The following PROCA1 variants were observed in gnomAD, a reference collection of about 807,000 sequenced individuals.
PROCA1 encodes the protein protein PROCA1.
A neutral mutation model predicts 23.2 loss-of-function variants in PROCA1; 22 were observed. The observed-to-expected ratio is 0.95, with a 90% CI of 0.68 to 1.35. The LOEUF is 1.35. Ranked by LOEUF, PROCA1 falls within the 40% of genes most tolerant of loss-of-function variation. The probability of loss-of-function intolerance (pLI) is 0.00; values close to 1 mark genes in which losing one functional copy is unlikely to be tolerated. For synonymous variants in PROCA1, 182 were observed against 179.2 expected, an observed-to-expected ratio of 1.02 and a Z score of -0.12; for missense variants, 469 against 459.8, an observed-to-expected ratio of 1.02 and a Z score of -0.18.
At chr17:28,711,014 G>GAAGGAGTAGGGCGGGAAGGGAGGA in intron 1 of PROCA1, 1 of 697,730 alleles carries the variant, frequency 1.4e-6, no homozygotes, top group Non-Finnish European at 2.1e-6. Context: ...GGAAGGGAGG[G>GAAGGAGTAGGGCGGGAAGGGAGGA]AAGAAACTAG....
chr17:28,707,020 G>T (rs571181224), intron 1 of PROCA1: 2 of 346,344 alleles, frequency 5.8e-6, no homozygotes, highest in East Asian at 7.6e-5. Flanking sequence ...GACAGGGAAA[G>T]GGTAGCACAG....
chr17:28,703,851 T>C lies in PROCA1; in HGVS notation c.802A>G (p.Lys268Glu), dbSNP rs746993062. The C allele has an allele frequency of 1.9e-6, 3 of 1,614,138 alleles. No individual in the cohort carries two copies. Among genetic ancestry groups the C allele is most frequent in the Admixed American group, 1.7e-5 (1 of 60,026 alleles). The change falls in exon 5 of 5, where the codon AAA (lysine) becomes GAA (glutamate). Residue 268 changes from lysine (K) to glutamate (E), a missense_variant. Coordinates refer to ENST00000682792, the MANE Select transcript of PROCA1 (RefSeq NM_001366301.1). ...KAKKGQLTKK[K>E]SPVKLEPSPP... ...GAAGGCTCCAATTTAACCGGGCTTT[T>C]CTTCTTAGTCAACTGGCCTTTCTTG...
At position 28,703,746 on chromosome 17, in the gene PROCA1, G is replaced by C; in HGVS notation, c.907C>G (p.Leu303Val). The C allele has an allele frequency of 6.2e-7, 1 of 1,614,110 alleles. No individual in the cohort carries two copies. The highest frequency in any genetic ancestry group is 8.5e-7 in the Non-Finnish European group (1 of 1,180,038). The change falls in exon 5 of 5, where the codon CTG (leucine) becomes GTG (valine). Residue 303 changes from leucine (L) to valine (V), a missense_variant. Transcript: ENST00000682792. ...SESSPESREE[L>V]ESEDSYNGRG... ...CCATTGTAACTGTCCTCGCTCTCCA[G>C]CTCTTCCCGGCTTTCTGGGCTGGAC...
At position 28,703,423 on chromosome 17, in the gene PROCA1, G is replaced by A. The variant is rs1262721452; in HGVS notation, c.*135C>T. ...GGGCTTCCTTTGTGAAAGCTGGATT[G>A]CCTTTGAGAAACCCCTGCAGCCCTG... is the stretch of plus-strand genomic sequence containing the variant. On this transcript the variant is annotated 3_prime_UTR_variant, in exon 5 of 5. Transcript: ENST00000682792. The A allele has an allele frequency of 1.1e-6, 1 of 888,102 alleles. No individual in the cohort carries two copies. The highest frequency in any genetic ancestry group is 2.4e-5 in the Admixed American group (1 of 40,986). The allele number at this position is 888,102 out of a possible 1,614,324, so 55.0% of individuals were successfully genotyped here.
intron 1 of PROCA1, chr17:28,707,168 C>T (rs1220562534): frequency 1.3e-5 from 3 of 230,114 alleles, no homozygotes; most frequent in Non-Finnish European, 2.7e-5. Context: ...GAAACTGTCC[C>T]AGGGTGTGTG....
intron 1 of PROCA1, chr17:28,711,289 G>C: frequency 1.7e-6 from 1 of 594,876 alleles, no homozygotes; most frequent in Non-Finnish European, 2.6e-6. Flanking sequence ...ATAGCCGAGC[G>C]TTCCAGCTCT....
rs766754318 is a variant in PROCA1 at position 28,704,026 on chromosome 17, A to G, written c.627T>C (p.Pro209=). ...DLGTSMATGT[P]DSTAPITIWR... ...AGATGGTGATGGGCGCTGTGGAGTC[A>G]GGGGTACCAGTGGCCATGCTGGTGC... The change falls in exon 5 of 5, where the codon CCT becomes CCC. Residue 209 remains proline (P), a synonymous_variant. Transcript: ENST00000682792. 5 of 1,611,134 alleles carry G rather than the reference A, an allele frequency of 3.1e-6. No individual in the cohort carries two copies. Among genetic ancestry groups the G allele is most frequent in the Non-Finnish European group, 4.2e-6 (5 of 1,179,016 alleles).
At position 28,711,551 on chromosome 17, in the gene PROCA1, C is replaced by G; in HGVS notation, c.91+19G>C. ...GCCGGGCCGCGCCCTCTGCCCAGCC[C>G]CTGCCCCGCCCCTCTTACCGCGGCA... On this transcript the variant is annotated intron_variant, in intron 1 of 4. Coordinates refer to ENST00000682792, the MANE Select transcript of PROCA1 (RefSeq NM_001366301.1). The G allele has an allele frequency of 6.2e-7, 1 of 1,601,170 alleles. No individual in the cohort carries two copies. The highest frequency in any genetic ancestry group is 2.3e-5 in the East Asian group (1 of 44,328).
At position 28,711,407 on chromosome 17, in the gene PROCA1, AG is replaced by A. The variant is rs1238702885; in HGVS notation, c.91+162del. The A allele has an allele frequency of 2.8e-5, 14 of 495,468 alleles. No homozygotes were observed. The African/African-American group carries it at 3.4e-4, about 12-fold the overall frequency. 30.7% of individuals were successfully genotyped at this position (495,468 alleles called of 1,614,324 possible). ...TCGACGCGAGCCCGCCCCCGGCCCT[AG>A]CTCCGCCCCGGCCCTAGCTCCGCCC... On this transcript the variant is annotated intron_variant, in intron 1 of 4. Transcript: ENST00000682792.
chr17:28,704,290 C>T lies in PROCA1; in HGVS notation c.440+17G>A, dbSNP rs1159082685. On this transcript the variant is annotated intron_variant, in intron 4 of 4. Transcript: ENST00000682792. ...TGTAGAGGCCCCTTCCCCATCAGCCCACCGGGGCTCACTCACCAGCCATAC... is the reference window on the plus strand; with the variant it reads ...TGTAGAGGCCCCTTCCCCATCAGCCTACCGGGGCTCACTCACCAGCCATAC... 6.2e-7 allele frequency: 1 copy of T among 1,605,696 alleles called. No individual in the cohort carries two copies. Among genetic ancestry groups the T allele is most frequent in the Non-Finnish European group, 8.5e-7 (1 of 1,175,118 alleles).
chr17:28,705,281 ATCTCT>A, intron 2 of PROCA1: 1 of 169,106 alleles, frequency 5.9e-6, no homozygotes, highest in Admixed American at 5.9e-5. Flanking sequence ...GCCCACGCTG[ATCTCT>A]CACAGCCTGG....
chr17:28,704,110 C>A lies in PROCA1; in HGVS notation c.543G>T (p.Glu181Asp). Residue 181 changes from glutamate (E) to aspartate (D), a missense_variant, in exon 5 of 5, where the codon GAG becomes GAT. Physicochemically the swap from Glu to Asp is conservative, Grantham distance 45. Transcript: ENST00000682792. ...DLNEEEEEEEEESKPPIPTQV... is the reference protein window; with the variant it reads ...DLNEEEEEEEDESKPPIPTQV... ...GTGTCGGGATGGGGGGCTTGCTTTC[C>A]TCCTCCTCCTCTTCCTCTTCTTCAT... The A allele has an allele frequency of 6.3e-7, 1 of 1,575,034 alleles. No homozygotes were observed.
rs771043923 is a variant in PROCA1, at chr17:28,711,536, G to A, written c.91+34C>T. The A allele has an allele frequency of 9.0e-6, 14 of 1,556,144 alleles. No homozygotes were observed. In the East Asian group the frequency reaches 3.3e-4, roughly 36 times the overall value. On this transcript the variant is annotated intron_variant, in intron 1 of 4. Transcript: ENST00000682792. ...GCTCGGGGTCTGCGAGCCGGGCCGC[G>A]CCCTCTGCCCAGCCCCTGCCCCGCC...
intron 1 of PROCA1, chr17:28,707,464 G>T (rs947225542): frequency 6.6e-6 from 1 of 152,226 alleles, no homozygotes; most frequent in African/African-American, 2.4e-5. Context: ...ATGAACAAAA[G>T]AATGAATGAA....
intron 3 of PROCA1, 38 bp from the exon 4 acceptor site, chr17:28,704,473 TC>T (rs778532234): frequency 1.3e-6 from 2 of 1,593,100 alleles, no homozygotes. Flanking sequence ...CTCCCATCAC[TC>T]CCCCAGGGAC....
At chr17:28,706,940 T>TGGGGGGGG (rs1567716248) in intron 1 of PROCA1, 177 bp from the exon 2 acceptor site, 6 of 194 alleles carry the variant, frequency 0.031, 2 homozygotes, top group Non-Finnish European at 0.059. Flanking sequence ...GGTGGGGCTA[T>TGGGGGGGG]GAGGGGGAGG....
In PROCA1 at chr17:28,703,670, G is replaced by A; in HGVS notation, c.983C>T (p.Pro328Leu). The stretch of plus-strand genomic sequence containing the variant: ...CTGGACTGTGTTCTCTCTCTTCCTG[G>A]GCGATGATGATTCCACAATATCCTC... Reference protein sequence around the residue: ...SSEDIVESSSPRKRENTVQAK... With the variant: ...SSEDIVESSSLRKRENTVQAK... The change falls in exon 5 of 5, where the codon CCC becomes CTC. Residue 328 changes from proline (P) to leucine (L), a missense_variant. Coordinates refer to ENST00000682792, the MANE Select transcript of PROCA1 (RefSeq NM_001366301.1). The A allele has an allele frequency of 6.2e-7, 1 of 1,614,108 alleles. No individual in the cohort carries two copies. The highest frequency in any genetic ancestry group is 1.1e-5 in the South Asian group (1 of 91,078).
intron 1 of PROCA1, chr17:28,711,200 G>A (rs1460835151): frequency 8.7e-6 from 10 of 1,152,016 alleles, no homozygotes; most frequent in Middle Eastern, 3.7e-4. Flanking sequence ...CCCGGCGTCC[G>A]GGTGGGCGCT....
chr17:28,704,419 C>T lies in PROCA1; in HGVS notation c.328G>A (p.Glu110Lys), dbSNP rs1227923485. The change falls in exon 4 of 5, where the codon GAG (glutamate) becomes AAG (lysine). Residue 110 changes from glutamate to lysine, a missense_variant. Transcript: ENST00000682792. ...NCNSRLKDSS[E>K]DSSSSRGAGP... ...GCGCCCCGGGAGCTGCTGCTATCCTCTGAAGAGTCCTTCAGCCTGCCACAC... is the reference window on the plus strand; with the variant it reads ...GCGCCCCGGGAGCTGCTGCTATCCTTTGAAGAGTCCTTCAGCCTGCCACAC... 4.3e-6 allele frequency: 7 copies of T among 1,613,048 alleles called. No homozygotes were observed. Among genetic ancestry groups the T allele is most frequent in the Non-Finnish European group, 5.9e-6 (7 of 1,179,772 alleles).
Sources: gnomAD v4.1 joint callset for allele counts on GRCh38, gnomAD v4.1.1 for gene constraint, MANE v1.5 for transcripts, NCBI Gene and HGNC (gene_info 2026-07-23, HGNC 2026-07-21) for gene names.